Variants in SOX6 observed in about 807,000 individuals in gnomAD.
The protein encoded by SOX6 is transcription factor SOX-6.
SOX6 carries 11 observed loss-of-function variants against 97.8 expected under a neutral mutation model. That is an observed-to-expected ratio of 0.11 (90% CI 0.07 to 0.19). SOX6 has a LOEUF of 0.19. SOX6 is among the 10% of genes least tolerant of loss of function. The pLI is 1.00. For missense variants in SOX6, 810 were observed against 1,039.5 expected (o/e 0.78, Z 3.04); for synonymous variants, 360 against 371.4 (o/e 0.97, Z 0.35).
At chr11:16,107,430 TATATATAC>T (rs1849123552) in intron 7 of SOX6, among the ~76,000 whole-genome samples, 1 of 146,814 alleles carries the variant, frequency 6.8e-6, no homozygotes, top group African/African-American at 2.5e-5. Context: ...TATATATACA[TATATATAC>T]ACAATTGAAT....
intron 1 of SOX6, among the ~76,000 whole-genome samples, chr11:16,354,256 GT>G (rs1565108401): frequency 1.3e-5 from 2 of 151,924 alleles, no homozygotes; most frequent in African/African-American, 4.8e-5. Flanking sequence ...GTATTTGGTA[GT>G]TATGAAACAA....
chr11:16,628,571 C>G (rs183292046), intron 3 of SOX6, among the ~76,000 whole-genome samples: 1 of 147,486 alleles, frequency 6.8e-6, no homozygotes, highest in South Asian at 2.1e-4. Context: ...TGCAGTGAGC[C>G]GAGATCACAC....
At chr11:16,544,694 C>T (rs564793925) in intron 4 of SOX6, among the ~76,000 whole-genome samples, 13 of 152,036 alleles carry the variant, frequency 8.6e-5, no homozygotes, top group South Asian at 2.1e-4. Context: ...GTTTATGTTA[C>T]GTGAATATTA....
rs1186122676 is a variant in SOX6, at chr11:16,055,748, G to A, written c.1251+4C>T. The A allele has an allele frequency of 1.9e-6, 3 of 1,613,544 alleles. No individual in the cohort carries two copies. The highest frequency in any genetic ancestry group is 2.5e-6 in the Non-Finnish European group (3 of 1,179,704). On this transcript the variant is annotated splice_donor_region_variant and intron_variant, in intron 10 of 15. Transcript: ENST00000683767. ...GTTTCCACAATGCTGCAAGGCGAGTGTACCTTAACTTGAGTTACAGGGCTG... is the reference window on the plus strand; with the variant it reads ...GTTTCCACAATGCTGCAAGGCGAGTATACCTTAACTTGAGTTACAGGGCTG...
intron 4 of SOX6, chr11:16,576,832 A>C (rs1035718187): frequency 3.3e-5 from 5 of 152,204 alleles, no homozygotes; most frequent in African/African-American, 1.2e-4. Context: ...CAAAGAGAAA[A>C]GTTTTCAAAA....
At chr11:16,157,590 T>C (rs564750220) in intron 6 of SOX6, among the ~76,000 whole-genome samples, 12 of 151,940 alleles carry the variant, frequency 7.9e-5, no homozygotes, top group Non-Finnish European at 1.0e-4. Context: ...CTCATCAGAG[T>C]GATCTTTCTG....
chr11:16,365,633 T>C (rs1246590129), intron 1 of SOX6, among the ~76,000 whole-genome samples: 1 of 152,176 alleles, frequency 6.6e-6, no homozygotes, highest in East Asian at 1.9e-4. Context: ...TCCAATGCAC[T>C]GAGGCTTTCT....
In SOX6 at chr11:16,510,375, T is replaced by A. The variant is rs1403685074; in HGVS notation, n.610-33987A>T. 4.6e-5 allele frequency among the ~76,000 whole-genome samples: 7 copies of A among 152,082 alleles called. No individual in the cohort carries two copies. In the East Asian group the frequency reaches 1.2e-3, roughly 25 times the overall value. On this transcript the variant is annotated intron_variant and non_coding_transcript_variant, in intron 4 of 5. Transcript: ENST00000524520. ...CCGCCCTATTTTTTTTCCCTTCAAC[T>A]TGTATTAATTCAGCATCTGATCCTG...
intron 1 of SOX6, among the ~76,000 whole-genome samples, chr11:16,445,831 T>C (rs551687574): frequency 5.9e-5 from 9 of 152,140 alleles, no homozygotes; most frequent in Admixed American, 3.3e-4. Context: ...GGTTTATTTA[T>C]AGTTAATGTG....
chr11:16,517,155 A>T (rs972323013), intron 4 of SOX6, among the ~76,000 whole-genome samples: 2 of 152,090 alleles, frequency 1.3e-5, no homozygotes, highest in African/African-American at 4.8e-5. Flanking sequence ...CTCTCAATAA[A>T]TTAGCTATTG....
intron 1 of SOX6, among the ~76,000 whole-genome samples, chr11:16,376,475 T>TA (rs1380559623): frequency 6.6e-6 from 1 of 152,168 alleles, no homozygotes; most frequent in Non-Finnish European, 1.5e-5. Flanking sequence ...GCATGTTTGA[T>TA]AGAGTTAGCT....
chr11:16,236,685 T>C (rs1192164237), intron 3 of SOX6, among the ~76,000 whole-genome samples: 1 of 152,004 alleles, frequency 6.6e-6, no homozygotes, highest in Non-Finnish European at 1.5e-5. Context: ...CAAGTCCATA[T>C]ACTAGGATTA....
At chr11:16,526,550 G>A (rs1252166878) in intron 4 of SOX6, among the ~76,000 whole-genome samples, 1 of 151,942 alleles carries the variant, frequency 6.6e-6, no homozygotes, top group Non-Finnish European at 1.5e-5. Flanking sequence ...GAGTTAATTG[G>A]TGCAGCACAC....
At chr11:16,694,008 T>TC (rs565613301) in intron 3 of SOX6, among the ~76,000 whole-genome samples, 83 of 152,322 alleles carry the variant, frequency 5.4e-4, no homozygotes, top group African/African-American at 1.9e-3. Flanking sequence ...TGAGCATTAC[T>TC]CTTCATTTCT....
At chr11:16,142,054 C>T (rs1310801161) in intron 6 of SOX6, among the ~76,000 whole-genome samples, 2 of 152,166 alleles carry the variant, frequency 1.3e-5, no homozygotes, top group African/African-American at 4.8e-5. Flanking sequence ...CAGACTGCCT[C>T]CTCAAGTGGA....
At chr11:16,002,449 C>T (rs1854433028) in intron 13 of SOX6, among the ~76,000 whole-genome samples, 2 of 152,042 alleles carry the variant, frequency 1.3e-5, no homozygotes, top group South Asian at 2.1e-4. Flanking sequence ...TAAACAGAGT[C>T]CTTTATCTTA....
At chr11:16,467,646 G>A (rs574559529) in intron 1 of SOX6, among the ~76,000 whole-genome samples, 1 of 152,286 alleles carries the variant, frequency 6.6e-6, no homozygotes, top group Non-Finnish European at 1.5e-5. Context: ...AGGGCAGAAG[G>A]TGGGAGAAGG....
chr11:16,681,761 A>G (rs1847929929), intron 3 of SOX6, among the ~76,000 whole-genome samples: 1 of 152,198 alleles, frequency 6.6e-6, no homozygotes, highest in Non-Finnish European at 1.5e-5. Flanking sequence ...TAGAGACAAT[A>G]AAAAATGATA....
intron 3 of SOX6, among the ~76,000 whole-genome samples, chr11:16,304,070 C>T (rs541637550): frequency 1.2e-4 from 19 of 152,132 alleles, no homozygotes; most frequent in Non-Finnish European, 2.4e-4. Flanking sequence ...CACACGCCAC[C>T]ATGCCCTGTT....
Sources: allele counts gnomAD v4.1 joint callset (sites outside exome capture counted in the v4.1 genomes callset), GRCh38; gene constraint gnomAD v4.1.1; transcripts MANE v1.5; gene names NCBI Gene and HGNC (gene_info 2026-07-23, HGNC 2026-07-21).